RSPH3: variants seen among roughly 807,000 people sequenced by gnomAD.
RSPH3 encodes radial spoke head 3.
A neutral mutation model predicts 43.8 loss-of-function variants in RSPH3; 21 were observed. That is an observed-to-expected ratio of 0.48 (90% CI 0.34 to 0.69). RSPH3 has a LOEUF of 0.69. Ranked by LOEUF, RSPH3 falls within the 30% of genes least tolerant of loss-of-function variation. The pLI is 0.01. For synonymous variants in RSPH3, 173 were observed against 179.8 expected (o/e 0.96, Z 0.30); for missense variants, 487 against 516.0 (o/e 0.94, Z 0.54).
In RSPH3 at chr6:158,989,519, G is replaced by A. The variant is rs925843515; in HGVS notation, c.205-3098C>T. Among the ~76,000 whole-genome samples, 4 of 152,118 alleles carry A rather than the reference G, an allele frequency of 2.6e-5. No individual in the cohort carries two copies. The highest frequency in any genetic ancestry group is 6.5e-5 in the Admixed American group (1 of 15,280). On this transcript the variant is annotated intron_variant, in intron 2 of 7. Coordinates refer to ENST00000367069, the MANE Select transcript of RSPH3 (RefSeq NM_031924.8). The surrounding 1 kb of genome is among the most constrained non-coding windows in gnomAD (Gnocchi z 4.3). Reference sequence around the variant, plus strand: ...GCTAGGGGTTTGTGCCCAGGGGACCGGTACAATGTTATCTCCTACAATGTG... The same window carrying A: ...GCTAGGGGTTTGTGCCCAGGGGACCAGTACAATGTTATCTCCTACAATGTG...
At chr6:158,993,998 A>G in intron 1 of RSPH3, 72 bp from the exon 2 acceptor site, 1 of 777,726 alleles carries the variant, frequency 1.3e-6, no homozygotes. Context: ...CATTTTCAAT[A>G]GGATTTAGAC....
At chr6:158,985,461 T>C (rs558458500) in intron 3 of RSPH3, among the ~76,000 whole-genome samples, 2 of 152,278 alleles carry the variant, frequency 1.3e-5, no homozygotes, top group African/African-American at 4.8e-5. Flanking sequence ...AAATTATTTA[T>C]TTATTTGTTG....
chr6:158,996,587 C>T (rs1778605038), intron 1 of RSPH3, among the ~76,000 whole-genome samples: 1 of 152,176 alleles, frequency 6.6e-6, no homozygotes, highest in Non-Finnish European at 1.5e-5. Flanking sequence ...TATACCCAAT[C>T]AAGATAATTT....
chr6:158,964,532 T>C, the RSPH3 span, among the ~76,000 whole-genome samples: 2 of 152,210 alleles, frequency 1.3e-5, no homozygotes, highest in Non-Finnish European at 2.9e-5. Context: ...GCCACCTTAA[T>C]GGGTATGAAG....
Sources: gnomAD v4.1 joint callset for allele counts (sites outside exome capture counted in the v4.1 genomes callset) on GRCh38, gnomAD v4.1.1 for gene constraint, Gnocchi (gnomAD v3.1) non-coding constraint, MANE v1.5 for transcripts, NCBI Gene and HGNC (gene_info 2026-07-23, HGNC 2026-07-21) for gene names.